Variants in BCAP29 observed in about 807,000 individuals in gnomAD.
BCAP29 encodes the protein B-cell receptor-associated protein 29.
BCAP29 carries 34 observed loss-of-function variants against 31.8 expected under a neutral mutation model. The observed-to-expected ratio is 1.07, with a 90% CI of 0.81 to 1.42. The LOEUF is 1.42. Among genes scored for constraint, BCAP29 ranks in the 40% most tolerant of loss-of-function variants. BCAP29 has a pLI of 0.00. For synonymous variants in BCAP29, 104 were observed against 91.3 expected, an observed-to-expected ratio of 1.14 and a Z score of -0.79; for missense variants, 314 against 269.2, an observed-to-expected ratio of 1.17 and a Z score of -1.16.
chr7:107,617,509 G>C (rs1315497532), intron 7 of BCAP29, among the ~76,000 whole-genome samples: 1 of 152,042 alleles, frequency 6.6e-6, no homozygotes, highest in Non-Finnish European at 1.5e-5. Context: ...GAGATTATTG[G>C]CTGCACAAAC....
intron 4 of BCAP29, 146 bp from the exon 5 acceptor site, chr7:107,595,720 GA>G: frequency 1.3e-6 from 1 of 772,032 alleles, no homozygotes; most frequent in Non-Finnish European, 1.9e-6. Context: ...TAAGAGACTT[GA>G]ATTAAAAAAA....
intron 6 of BCAP29, among the ~76,000 whole-genome samples, chr7:107,610,756 G>A (rs565607310): frequency 8.5e-5 from 13 of 152,286 alleles, no homozygotes; most frequent in Non-Finnish European, 1.6e-4. Context: ...TAGATAGGCT[G>A]TACAAGTGGT....
rs1162063009 is a variant in BCAP29 at position 107,620,471 on chromosome 7, T to A, written c.*2108T>A. On this transcript the variant is annotated 3_prime_UTR_variant, in exon 8 of 8. Coordinates refer to ENST00000005259, the MANE Select transcript of BCAP29 (RefSeq NM_018844.4). Reference sequence around the variant, plus strand: ...ATTACATAAATAAATATTTATTTCATGGATTGAGTTATGTTGCATATTAAA... The same window carrying A: ...ATTACATAAATAAATATTTATTTCAAGGATTGAGTTATGTTGCATATTAAA... The A allele has an allele frequency of 6.6e-6, 1 of 152,240 alleles. No individual in the cohort carries two copies. Among genetic ancestry groups the A allele is most frequent in the East Asian group, 1.9e-4 (1 of 5,204 alleles). The allele number at this position is 152,240 out of a possible 1,614,324, so 9.4% of individuals were successfully genotyped here.
Position 107,613,357 on chromosome 7 carries a change from G to C in BCAP29, c.615G>C (p.Val205=). The C allele has an allele frequency of 6.2e-7, 1 of 1,611,610 alleles. No individual in the cohort carries two copies. Among genetic ancestry groups the C allele is most frequent in the South Asian group, 1.1e-5 (1 of 90,870 alleles). The change falls in exon 7 of 8, where the codon GTG becomes GTC. Residue 205 remains valine (V), a synonymous_variant. Coordinates refer to ENST00000005259, the MANE Select transcript of BCAP29 (RefSeq NM_018844.4). The part of the protein sequence containing the change: ...SDALSKAQND[V]MEMKMQSERL... ...CCCTTTCTAAGGCACAAAATGATGT[G>C]ATGGAAATGAAGATGCAGTCAGAGA...
chr7:107,608,821 A>C (rs940378863), intron 6 of BCAP29, among the ~76,000 whole-genome samples: 1 of 152,228 alleles, frequency 6.6e-6, no homozygotes, highest in Non-Finnish European at 1.5e-5. Flanking sequence ...GACATTTATC[A>C]TTTCCAAGTG....
chr7:107,591,924 T>C (rs2107713), intron 3 of BCAP29, among the ~76,000 whole-genome samples: 108,917 of 151,764 alleles, frequency 0.72, 39,122 homozygotes, highest in South Asian at 0.84. Flanking sequence ...AAATTCAGAA[T>C]GTGAGAACTT....
At chr7:107,596,890 A>G (rs1228916842) in intron 5 of BCAP29, among the ~76,000 whole-genome samples, 1 of 152,196 alleles carries the variant, frequency 6.6e-6, no homozygotes, top group East Asian at 1.9e-4. Context: ...AACTTATGTC[A>G]TGATTACCAA....
intron 6 of BCAP29, among the ~76,000 whole-genome samples, chr7:107,605,712 CTTT>C (rs1375275653): frequency 6.6e-6 from 1 of 152,222 alleles, no homozygotes; most frequent in Admixed American, 6.5e-5. Context: ...GAGATAATTA[CTTT>C]GAATGCCTTG....
intron 3 of BCAP29, chr7:107,587,764 T>A (rs1179969223): frequency 6.6e-6 from 1 of 151,916 alleles, no homozygotes; most frequent in Non-Finnish European, 1.5e-5. Flanking sequence ...TATAGAAAAT[T>A]TAAGCAGACT....
intron 2 of BCAP29, among the ~76,000 whole-genome samples, chr7:107,582,888 C>G (rs548884457): frequency 6.6e-6 from 1 of 152,022 alleles, no homozygotes; most frequent in Non-Finnish European, 1.5e-5. Flanking sequence ...TAAATATTGG[C>G]TGTATAAAAT....
intron 3 of BCAP29, among the ~76,000 whole-genome samples, chr7:107,585,502 G>A (rs1807487569): frequency 6.6e-6 from 1 of 152,066 alleles, no homozygotes; most frequent in African/African-American, 2.4e-5. Context: ...CTAACTAAAG[G>A]ACCTTTGAAA....
chr7:107,597,083 C>T (rs1461875488), intron 5 of BCAP29, among the ~76,000 whole-genome samples: 1 of 152,152 alleles, frequency 6.6e-6, no homozygotes, highest in Non-Finnish European at 1.5e-5. Flanking sequence ...AAGCAGCTGT[C>T]AGTGCCCAGA....
At chr7:107,601,904 C>T (rs560474149) in intron 6 of BCAP29, among the ~76,000 whole-genome samples, 2 of 152,178 alleles carry the variant, frequency 1.3e-5, no homozygotes, top group Non-Finnish European at 2.9e-5. Flanking sequence ...ATGTGTGCTA[C>T]ACTTCTCTTA....
In BCAP29 at chr7:107,620,281, T is replaced by C. The variant is rs568833691; in HGVS notation, c.*1918T>C. On this transcript the variant is annotated 3_prime_UTR_variant, in exon 8 of 8. Coordinates refer to ENST00000005259, the MANE Select transcript of BCAP29 (RefSeq NM_018844.4). ...CCCCCAGATACCGCTCTTCTGGTTATACACAGACCAGCTATAATTTGCTAA... is the reference window on the plus strand; with the variant it reads ...CCCCCAGATACCGCTCTTCTGGTTACACACAGACCAGCTATAATTTGCTAA... 2.0e-5 allele frequency: 3 copies of C among 152,230 alleles called. No individual in the cohort carries two copies. The highest frequency in any genetic ancestry group is 4.4e-5 in the Non-Finnish European group (3 of 68,048). 9.4% of individuals were successfully genotyped at this position (152,230 alleles called of 1,614,324 possible).
intron 6 of BCAP29, among the ~76,000 whole-genome samples, chr7:107,613,080 T>A (rs577963365): frequency 6.6e-6 from 1 of 151,810 alleles, no homozygotes; most frequent in African/African-American, 2.4e-5. Context: ...TTAGATAATA[T>A]TTTGTTTCTG....
chr7:107,605,192 CA>C (rs1457333110), intron 6 of BCAP29, among the ~76,000 whole-genome samples: 2 of 152,018 alleles, frequency 1.3e-5, no homozygotes, highest in Non-Finnish European at 2.9e-5. Flanking sequence ...TTTCAGTAAC[CA>C]GGAGGAATAG....
At chr7:107,590,972 T>C (rs1808629279) in intron 3 of BCAP29, among the ~76,000 whole-genome samples, 3 of 152,212 alleles carry the variant, frequency 2.0e-5, no homozygotes, top group South Asian at 4.1e-4. Context: ...TGTATTTCTA[T>C]ACTATAAGCA....
At chr7:107,586,234 C>G (rs914122552) in intron 3 of BCAP29, among the ~76,000 whole-genome samples, 1 of 152,142 alleles carries the variant, frequency 6.6e-6, no homozygotes, top group South Asian at 2.1e-4. Flanking sequence ...TACCACACAG[C>G]TGCCAGGTGT....
intron 3 of BCAP29, 46 bp downstream of exon 3, chr7:107,584,028 T>A (rs1807175641): frequency 8.9e-7 from 1 of 1,118,484 alleles, no homozygotes; most frequent in Admixed American, 2.6e-5. Context: ...TTTTTTTAAA[T>A]GAATTTCTTT....
Sources: allele counts gnomAD v4.1 joint callset (sites outside exome capture counted in the v4.1 genomes callset), GRCh38; gene constraint gnomAD v4.1.1; transcripts MANE v1.5; gene names NCBI Gene and HGNC (gene_info 2026-07-23, HGNC 2026-07-21).